Variants in BIN1 observed in about 807,000 individuals in gnomAD.
BIN1 encodes the protein myc box-dependent-interacting protein 1.
In BIN1, 53 loss-of-function variants were observed where a neutral mutation model predicts 82.0. The observed-to-expected ratio is 0.65, with a 90% CI of 0.52 to 0.81. The LOEUF is 0.81. BIN1 is among the 40% of genes least tolerant of loss of function. The pLI, the probability that BIN1 is intolerant of heterozygous loss-of-function variation, is 0.00. For missense variants in BIN1, 642 were observed against 784.4 expected (o/e 0.82, Z 2.17); for synonymous variants, 302 against 328.0 (o/e 0.92, Z 0.86).
intron 1 of BIN1, among the ~76,000 whole-genome samples, chr2:127,106,296 G>C (rs1173318255): frequency 3.3e-5 from 5 of 152,256 alleles, no homozygotes; most frequent in African/African-American, 1.2e-4. Flanking sequence ...CTCGGGAAAG[G>C]AAACCCAATC....
intron 15 of BIN1, among the ~76,000 whole-genome samples, chr2:127,051,598 C>G (rs904023311): frequency 3.3e-5 from 5 of 152,220 alleles, no homozygotes; most frequent in Non-Finnish European, 5.9e-5. Context: ...CCCGCCCACC[C>G]TGCTTGACCC....
chr2:127,086,862 C>A (rs772019983), intron 1 of BIN1, among the ~76,000 whole-genome samples: 1 of 152,154 alleles, frequency 6.6e-6, no homozygotes, highest in Non-Finnish European at 1.5e-5. Context: ...GCCTCACCCC[C>A]ACATGGCGAT....
chr2:127,084,687 G>A (rs1170988985), intron 1 of BIN1, among the ~76,000 whole-genome samples: 1 of 152,260 alleles, frequency 6.6e-6, no homozygotes, highest in Non-Finnish European at 1.5e-5. Context: ...GCGAAGAAGC[G>A]ACCGAGCTCA....
At chr2:127,103,404 C>G (rs1374692453) in intron 1 of BIN1, among the ~76,000 whole-genome samples, 1 of 152,180 alleles carries the variant, frequency 6.6e-6, no homozygotes, top group Admixed American at 6.5e-5. Context: ...TAGCGAGCCT[C>G]TTCTCGGCAT....
In BIN1 at chr2:127,082,743, C is replaced by A. The variant is rs1417995318; in HGVS notation, c.85-6037G>T. Among the ~76,000 whole-genome samples the A allele has an allele frequency of 6.6e-6, 1 of 152,140 alleles. No individual in the cohort carries two copies. The highest frequency in any genetic ancestry group is 6.5e-5 in the Admixed American group (1 of 15,286). On this transcript the variant is annotated intron_variant, in intron 1 of 18. Coordinates refer to ENST00000316724, the MANE Select transcript of BIN1 (RefSeq NM_139343.3). This position sits in a 1 kb window ranked among gnomAD's most constrained non-coding sequence, Gnocchi z 6.1. ...TGTCCCTGCAACCAGACACACAGGA[C>A]CCCTCTCCCGGCTGCTGCTCACACC... is the stretch of plus-strand genomic sequence containing the variant.
intron 1 of BIN1, chr2:127,081,836 C>T (rs575589973): frequency 2.6e-5 from 33 of 1,288,036 alleles, no homozygotes; most frequent in Non-Finnish European, 3.0e-5. Flanking sequence ...CCTCACCTTC[C>T]GCATCATCTC....
chr2:127,096,080 T>C (rs767925011), intron 1 of BIN1, among the ~76,000 whole-genome samples: 1 of 152,148 alleles, frequency 6.6e-6, no homozygotes, highest in East Asian at 1.9e-4. Flanking sequence ...AATGAATAAA[T>C]GATGCCAGAC....
chr2:127,056,868 G>A (rs553865439), intron 12 of BIN1, among the ~76,000 whole-genome samples: 9 of 152,360 alleles, frequency 5.9e-5, no homozygotes, highest in South Asian at 2.1e-4. Context: ...GCACCTCCAC[G>A]GCTGAGCCAA....
rs1191884719 is a variant in BIN1 at position 127,076,720 on chromosome 2, G to A, written c.85-14C>T. 3.7e-6 allele frequency: 6 copies of A among 1,613,958 alleles called. No homozygotes were observed. The highest frequency in any genetic ancestry group is 5.1e-6 in the Non-Finnish European group (6 of 1,179,920). The stretch of plus-strand genomic sequence containing the variant: ...CTTCTGGAGAACCTGCCGAAGCCAA[G>A]AGAGAAGGGGAGAGTGTTACCTTGG... On this transcript the variant is annotated splice_polypyrimidine_tract_variant and intron_variant, in intron 1 of 18. Coordinates refer to ENST00000316724, the MANE Select transcript of BIN1 (RefSeq NM_139343.3).
At chr2:127,102,582 G>GCTGTGCCTGGACAAGTAGC (rs1447217327) in intron 1 of BIN1, among the ~76,000 whole-genome samples, 1 of 152,194 alleles carries the variant, frequency 6.6e-6, no homozygotes, top group African/African-American at 2.4e-5. Flanking sequence ...TCCCAAGTAG[G>GCTGTGCCTGGACAAGTAGC]CTGTGCCTGG....
Position 127,052,242 on chromosome 2 carries a change from G to A in BIN1, c.1371+13C>T. On this transcript the variant is annotated intron_variant, in intron 15 of 18. Coordinates refer to ENST00000316724, the MANE Select transcript of BIN1 (RefSeq NM_139343.3). ...GGGGACAAGCCAGACAGGGGCTGGA[G>A]GTGGGCACTTACTTGGGCAGGCCCC... is the stretch of plus-strand genomic sequence containing the variant. 1.3e-6 allele frequency: 2 copies of A among 1,563,004 alleles called. No individual in the cohort carries two copies. Among genetic ancestry groups the A allele is most frequent in the Non-Finnish European group, 1.7e-6 (2 of 1,152,888 alleles).
rs554132723 is a variant in BIN1 at position 127,050,267 on chromosome 2, G to C, written c.1674+154C>G. 9 of 737,994 alleles carry C rather than the reference G, an allele frequency of 1.2e-5. No homozygotes were observed. In the South Asian group the frequency reaches 1.5e-4, roughly 12 times the overall value. The allele number at this position is 737,994 out of a possible 1,614,324, so 45.7% of individuals were successfully genotyped here. Reference sequence around the variant, plus strand: ...AGGAGAGGGAGAGAGGAAAAAGCCCGACGTGGAGGGCGGGGAGGAGCAGTT... The same window carrying C: ...AGGAGAGGGAGAGAGGAAAAAGCCCCACGTGGAGGGCGGGGAGGAGCAGTT... On this transcript the variant is annotated intron_variant, in intron 18 of 18. Transcript: ENST00000316724.
intron 12 of BIN1, chr2:127,055,609 C>T (rs965992444): frequency 6.6e-6 from 1 of 152,412 alleles, no homozygotes; most frequent in African/African-American, 2.4e-5. Flanking sequence ...CAGTGGCCCC[C>T]ACCCTGCCCC....
chr2:127,106,893 GT>G lies in BIN1; in HGVS notation c.50del (p.Asn17ThrfsTer39). ...KGVTAGKIAS[N>X]VQKKLTRAQE... The stretch of plus-strand genomic sequence containing the variant: ...GCGCGCGGGTGAGCTTCTTCTGCAC[GT>G]TGCTGGCGATCTTTCCCGCCGTCAC... On this transcript the variant is annotated frameshift_variant, in exon 1 of 19. Coordinates refer to ENST00000316724, the MANE Select transcript of BIN1 (RefSeq NM_139343.3). LOFTEE classifies it high-confidence loss of function. The G allele has an allele frequency of 6.2e-7, 1 of 1,612,392 alleles. No individual in the cohort carries two copies. The highest frequency in any genetic ancestry group is 8.5e-7 in the Non-Finnish European group (1 of 1,179,634).
chr2:127,080,188 C>T (rs903321395), intron 1 of BIN1, among the ~76,000 whole-genome samples: 7 of 152,232 alleles, frequency 4.6e-5, no homozygotes, highest in Admixed American at 3.3e-4. Flanking sequence ...CAGGGAAAAA[C>T]AATCTGGGCA....
chr2:127,103,137 G>A (rs1218168294), intron 1 of BIN1, among the ~76,000 whole-genome samples: 1 of 152,200 alleles, frequency 6.6e-6, no homozygotes, highest in East Asian at 1.9e-4. Context: ...CTGAGGGCCT[G>A]GGTGACTTGG....
chr2:127,063,294 T>A (rs1242654828), intron 9 of BIN1, among the ~76,000 whole-genome samples: 1 of 152,180 alleles, frequency 6.6e-6, no homozygotes. Flanking sequence ...AGAGAACACA[T>A]TCACAGTTTG....
chr2:127,088,183 C>T (rs1459036378), intron 1 of BIN1, among the ~76,000 whole-genome samples: 1 of 152,210 alleles, frequency 6.6e-6, no homozygotes, highest in Non-Finnish European at 1.5e-5. Context: ...CTTCTCATAA[C>T]TCAGTTCCTT....
At chr2:127,105,454 C>T (rs1337333408) in intron 1 of BIN1, among the ~76,000 whole-genome samples, 1 of 150,282 alleles carries the variant, frequency 6.7e-6, no homozygotes, top group African/African-American at 2.5e-5. Flanking sequence ...CCAGCTATTC[C>T]TGGGGCTTTA....
Sources: allele counts gnomAD v4.1 joint callset (sites outside exome capture counted in the v4.1 genomes callset), GRCh38; gene constraint gnomAD v4.1.1; non-coding constraint Gnocchi (gnomAD v3.1); transcripts MANE v1.5; gene names NCBI Gene and HGNC (gene_info 2026-07-23, HGNC 2026-07-21).